Variants in GSTA1 observed in about 807,000 individuals in gnomAD.
The protein encoded by GSTA1 is glutathione S-transferase A1.
A neutral mutation model predicts 21.5 loss-of-function variants in GSTA1; 23 were observed. The ratio of observed to expected loss-of-function variants is 1.07; its 90% CI spans 0.77 to 1.52. GSTA1 has a LOEUF of 1.52. GSTA1 is among the 40% of genes most tolerant of loss of function. The pLI is 0.00. For missense variants in GSTA1, 301 were observed against 264.2 expected, an observed-to-expected ratio of 1.14 and a Z score of -0.96; for synonymous variants, 125 against 90.0, an observed-to-expected ratio of 1.39 and a Z score of -2.20.
chr6:52,798,895 A>G (rs1763647293), intron 2 of GSTA1, among the ~76,000 whole-genome samples: 1 of 152,208 alleles, frequency 6.6e-6, no homozygotes, highest in African/African-American at 2.4e-5. Flanking sequence ...CATGTTTCTA[A>G]TTGTATAAAT....
rs1051536 is a variant in GSTA1, at chr6:52,803,813, C to T, written c.-59G>A. The T allele has an allele frequency of 5.2e-6, 1 of 193,244 alleles. No individual in the cohort carries two copies. Among genetic ancestry groups the T allele is most frequent in the African/African-American group, 2.3e-5 (1 of 43,060 alleles). The allele number at this position is 193,244 out of a possible 1,614,324, so 12.0% of individuals were successfully genotyped here. On this transcript the variant is annotated 5_prime_UTR_variant, in exon 1 of 7. Transcript: ENST00000334575. The stretch of plus-strand genomic sequence containing the variant: ...GTTAAACGCTGTCACCGTCCTGGCT[C>T]GACAACTGAATTCCAGGTCCTAATG...
chr6:52,795,665 C>T (rs766622300), intron 4 of GSTA1, among the ~76,000 whole-genome samples: 1 of 152,042 alleles, frequency 6.6e-6, no homozygotes, highest in Non-Finnish European at 1.5e-5. Context: ...TCAAGGTAAC[C>T]CCAGCATCCT....
At chr6:52,799,448 C>T (rs556683423) in intron 1 of GSTA1, among the ~76,000 whole-genome samples, 151 bp from the exon 2 acceptor site, 41 of 152,262 alleles carry the variant, frequency 2.7e-4, no homozygotes, top group African/African-American at 9.6e-4. Flanking sequence ...TTTCTTGGCT[C>T]AAATTGTTAC....
Position 52,794,192 on chromosome 6 carries a change from T to C in GSTA1, c.347A>G (p.Glu116Gly). The change falls in exon 5 of 7, where the codon GAA (glutamate) becomes GGA (glycine). Residue 116 changes from glutamate (E) to glycine (G), a missense_variant. By Grantham distance (98) the Glu-to-Gly change is moderately conservative. Coordinates refer to ENST00000334575, the MANE Select transcript of GSTA1 (RefSeq NM_145740.5). Reference protein sequence around the residue: ...ILLLPVCPPEEKDAKLALIKE... With the variant: ...ILLLPVCPPEGKDAKLALIKE... Reference sequence around the variant, plus strand: ...GATCAAGGCAAGCTTGGCATCTTTTTCCTCAGGTGGACATACGGGCAGAAG... The same window carrying C: ...GATCAAGGCAAGCTTGGCATCTTTTCCCTCAGGTGGACATACGGGCAGAAG... 6.2e-7 allele frequency: 1 copy of C among 1,614,112 alleles called. No individual in the cohort carries two copies. The highest frequency in any genetic ancestry group is 8.5e-7 in the Non-Finnish European group (1 of 1,179,940).
intron 2 of GSTA1, among the ~76,000 whole-genome samples, chr6:52,798,497 T>C (rs1763639185): frequency 9.9e-6 from 1 of 101,250 alleles, no homozygotes; most frequent in Non-Finnish European, 2.0e-5. Context: ...AGGTAGTTTG[T>C]TACAATCCAC....
rs747154001 is a variant in GSTA1, at chr6:52,796,328, A to G, written c.140-14T>C. On this transcript the variant is annotated splice_polypyrimidine_tract_variant and intron_variant, in intron 3 of 6. Coordinates refer to ENST00000334575, the MANE Select transcript of GSTA1 (RefSeq NM_145740.5). ...TCAAATATCCATCTTTAGAAGGAAG[A>G]AAAAAAAGGAGAGTGAAGTGTCTAT... is the stretch of plus-strand genomic sequence containing the variant. The G allele has an allele frequency of 1.9e-6, 3 of 1,612,820 alleles. No individual in the cohort carries two copies. Among genetic ancestry groups the G allele is most frequent in the Non-Finnish European group, 2.5e-6 (3 of 1,179,446 alleles).
intron 6 of GSTA1, 152 bp downstream of exon 6, chr6:52,792,704 C>G (rs1401642765): frequency 6.3e-7 from 1 of 1,580,330 alleles, no homozygotes; most frequent in Admixed American, 1.8e-5. Context: ...TTTCATTCCT[C>G]AAAATTGGAG....
chr6:52,797,700 AT>A, intron 2 of GSTA1, 63 bp from the exon 3 acceptor site: 4 of 1,377,118 alleles, frequency 2.9e-6, no homozygotes, highest in Non-Finnish European at 3.1e-6. Flanking sequence ...GTGGCCTTGA[AT>A]GGCCCCATCT....
At chr6:52,793,060 C>G (rs1763498509) in intron 5 of GSTA1, 73 bp from the exon 6 acceptor site, 1 of 1,606,932 alleles carries the variant, frequency 6.2e-7, no homozygotes, top group African/African-American at 1.3e-5. Flanking sequence ...TTCGGAGCCT[C>G]TCCACCCTGA....
chr6:52,799,384 A>C, intron 1 of GSTA1, 87 bp from the exon 2 acceptor site: 1 of 808,916 alleles, frequency 1.2e-6, no homozygotes, highest in Non-Finnish European at 2.0e-6. Context: ...CACCAACAAT[A>C]CTGAAGAAGA....
At chr6:52,802,789 T>A (rs180959441) in intron 1 of GSTA1, among the ~76,000 whole-genome samples, 140 of 152,276 alleles carry the variant, frequency 9.2e-4, no homozygotes, top group African/African-American at 2.7e-3. Context: ...AGAACTCGAG[T>A]AGGAATAAGA....
In GSTA1 at chr6:52,791,706, G is replaced by A; in HGVS notation, c.*152C>T. On this transcript the variant is annotated 3_prime_UTR_variant, in exon 7 of 7. Coordinates refer to ENST00000334575, the MANE Select transcript of GSTA1 (RefSeq NM_145740.5). Reference sequence around the variant, plus strand: ...AAACAAATCAATTTTAACTAAGTCAGCGAATAGGAGTTGTATTATTTAATT... The same window carrying A: ...AAACAAATCAATTTTAACTAAGTCAACGAATAGGAGTTGTATTATTTAATT... 2 of 852,912 alleles carry A rather than the reference G, an allele frequency of 2.3e-6. No individual in the cohort carries two copies. The allele number at this position is 852,912 out of a possible 1,614,324, so 52.8% of individuals were successfully genotyped here. A position where few individuals can be genotyped will look rare whatever the true frequency, so the allele number is the denominator to read the frequency against.
rs1257297724 is a variant in GSTA1 at position 52,791,743 on chromosome 6, T to G, written c.*115A>C. 4.9e-6 allele frequency: 6 copies of G among 1,225,104 alleles called. No homozygotes were observed. In the Admixed American group the frequency reaches 1.1e-4, roughly 22 times the overall value. The allele number at this position is 1,225,104 out of a possible 1,614,324, so 75.9% of individuals were successfully genotyped here. ...TGTATTATTTAATTAGCATATAATT[T>G]GAAAGAGTTCATTAGCTTCACAACA... On this transcript the variant is annotated 3_prime_UTR_variant, in exon 7 of 7. Transcript: ENST00000334575.
intron 4 of GSTA1, among the ~76,000 whole-genome samples, chr6:52,794,829 G>A (rs1337432835): frequency 1.3e-5 from 2 of 152,126 alleles, no homozygotes; most frequent in African/African-American, 4.8e-5. Context: ...AGCCATGTGT[G>A]CCTTTCCTGA....
chr6:52,792,701 C>T (rs1763485391), intron 6 of GSTA1, 155 bp downstream of exon 6: 7 of 1,575,458 alleles, frequency 4.4e-6, no homozygotes, highest in Non-Finnish European at 4.3e-6. Context: ...TGTTTTCATT[C>T]CTCAAAATTG....
At chr6:52,793,039 C>A (rs140712370) in intron 5 of GSTA1, 52 bp from the exon 6 acceptor site, 7 of 1,612,540 alleles carry the variant, frequency 4.3e-6, no homozygotes, top group Non-Finnish European at 5.9e-6. Flanking sequence ...CAGGCTAGGA[C>A]CCCTGCTTCT....
intron 6 of GSTA1, 87 bp from the exon 7 acceptor site, chr6:52,792,067 A>G (rs1260047123): frequency 1.3e-6 from 2 of 1,577,304 alleles, no homozygotes; most frequent in African/African-American, 2.7e-5. Flanking sequence ...CCCCTCCTGC[A>G]AAGACCAAGT....
At chr6:52,802,015 T>C (rs1467386671) in intron 1 of GSTA1, among the ~76,000 whole-genome samples, 7 of 152,224 alleles carry the variant, frequency 4.6e-5, no homozygotes, top group Middle Eastern at 3.4e-3. Context: ...ATTAGCCAAA[T>C]AAATGTTGGA....
Position 52,791,666 on chromosome 6 carries a change from A to T in GSTA1, c.*192T>A. On this transcript the variant is annotated 3_prime_UTR_variant, in exon 7 of 7. Transcript: ENST00000334575. ...GAGAAGATTGGAAATCTGAATTCAC[A>T]TCAGATCCTAATGAAAACAAATCAA... 1.6e-6 allele frequency: 1 copy of T among 642,878 alleles called. No individual in the cohort carries two copies. 39.8% of individuals were successfully genotyped at this position (642,878 alleles called of 1,614,324 possible).
Sources: allele counts gnomAD v4.1 joint callset (sites outside exome capture counted in the v4.1 genomes callset), GRCh38; gene constraint gnomAD v4.1.1; transcripts MANE v1.5; gene names NCBI Gene and HGNC (gene_info 2026-07-23, HGNC 2026-07-21).